The following NCEH1 variants were observed in gnomAD, a reference collection of about 807,000 sequenced individuals.
The protein encoded by NCEH1 is 2-acetyl MAGE hydrolase.
Under a neutral mutation model 25.4 loss-of-function variants are expected in NCEH1, and 9 were observed. The ratio of observed to expected loss-of-function variants is 0.35; its 90% CI spans 0.21 to 0.62. The LOEUF (loss-of-function observed/expected upper bound fraction) is 0.62, where lower values mean the gene tolerates loss of function less well. Ranked by LOEUF, NCEH1 falls within the 20% of genes least tolerant of loss-of-function variation. The pLI is 0.72. For synonymous variants in NCEH1, 200 were observed against 199.8 expected, an observed-to-expected ratio of 1.00 and a Z score of -0.01; for missense variants, 412 against 501.1, an observed-to-expected ratio of 0.82 and a Z score of 1.70.
intron 1 of NCEH1, among the ~76,000 whole-genome samples, chr3:172,668,308 G>A (rs1163860342): frequency 6.9e-6 from 1 of 144,376 alleles, no homozygotes; most frequent in African/African-American, 2.6e-5. Context: ...AACCCTAACT[G>A]GAACACCAAT....
At chr3:172,655,609 C>G (rs1176792015) in intron 1 of NCEH1, among the ~76,000 whole-genome samples, 1 of 152,210 alleles carries the variant, frequency 6.6e-6, no homozygotes, top group Non-Finnish European at 1.5e-5. Context: ...CTAGTAAGAA[C>G]AGAAAGAGAA....
intron 3 of NCEH1, among the ~76,000 whole-genome samples, chr3:172,641,987 TC>T (rs1449030249): frequency 6.6e-6 from 1 of 152,198 alleles, no homozygotes. Context: ...TTATTCAAGG[TC>T]TTTCTCTTCT....
At chr3:172,672,644 A>G (rs1321318084) in intron 1 of NCEH1, among the ~76,000 whole-genome samples, 1 of 152,156 alleles carries the variant, frequency 6.6e-6, no homozygotes, top group African/African-American at 2.4e-5. Flanking sequence ...ACCTTAGAGA[A>G]CCTCCTGAAG....
At chr3:172,663,105 TA>T (rs1193376578) in intron 1 of NCEH1, among the ~76,000 whole-genome samples, 1 of 152,228 alleles carries the variant, frequency 6.6e-6, no homozygotes, top group African/African-American at 2.4e-5. Flanking sequence ...ATTTAGTGCA[TA>T]AATTTACTTC....
chr3:172,688,107 G>A (rs572835988), intron 1 of NCEH1, among the ~76,000 whole-genome samples: 1 of 152,098 alleles, frequency 6.6e-6, no homozygotes, highest in South Asian at 2.1e-4. Flanking sequence ...GGCTGAGGCA[G>A]GTGGATCACC....
intron 4 of NCEH1, among the ~76,000 whole-genome samples, chr3:172,635,193 C>T (rs767947045): frequency 6.6e-6 from 1 of 152,082 alleles, no homozygotes; most frequent in African/African-American, 2.4e-5. Context: ...CTTGCCAATG[C>T]CAAATGGAAA....
intron 1 of NCEH1, among the ~76,000 whole-genome samples, chr3:172,673,439 GCT>G (rs1224028819): frequency 6.6e-6 from 1 of 152,196 alleles, no homozygotes; most frequent in African/African-American, 2.4e-5. Context: ...TGAGCTAAGA[GCT>G]CTTACAAGAG....
Position 172,633,423 on chromosome 3 carries a change from A to G in NCEH1, c.*52T>C. 1 of 1,542,952 alleles carries G rather than the reference A, an allele frequency of 6.5e-7. No individual in the cohort carries two copies. Among genetic ancestry groups the G allele is most frequent in the Non-Finnish European group, 8.8e-7 (1 of 1,140,090 alleles). ...AACTAAAAAGTGCATGTCTTTCCAA[A>G]GCAGGTGTAGGAGGTCAAGAGGGGC... On this transcript the variant is annotated 3_prime_UTR_variant, in exon 5 of 5. Transcript: ENST00000475381.
At chr3:172,703,623 T>C (rs1713824306) in intron 1 of NCEH1, among the ~76,000 whole-genome samples, 1 of 152,036 alleles carries the variant, frequency 6.6e-6, no homozygotes, top group Admixed American at 6.6e-5. Flanking sequence ...AATGATTAAC[T>C]GTACTTTCAC....
At chr3:172,691,925 C>T (rs1272034503) in intron 1 of NCEH1, among the ~76,000 whole-genome samples, 14 of 7,894 alleles carry the variant, frequency 1.8e-3, no homozygotes, top group African/African-American at 0.014. Context: ...CCAGCCTGGG[C>T]GACAGAGCAA....
intron 1 of NCEH1, among the ~76,000 whole-genome samples, chr3:172,660,391 T>C (rs1338251581): frequency 6.6e-6 from 1 of 152,120 alleles, no homozygotes; most frequent in Non-Finnish European, 1.5e-5. Flanking sequence ...GACATTTGGG[T>C]TGGTTCCAAG....
intron 3 of NCEH1, among the ~76,000 whole-genome samples, chr3:172,641,773 C>T (rs193261054): frequency 2.0e-5 from 3 of 152,294 alleles, no homozygotes; most frequent in Admixed American, 1.3e-4. Context: ...CCTCCCAAGC[C>T]CTCTTACTAC....
intron 1 of NCEH1, among the ~76,000 whole-genome samples, chr3:172,689,943 G>A (rs1248988753): frequency 2.1e-5 from 3 of 140,956 alleles, no homozygotes; most frequent in Non-Finnish European, 4.6e-5. Context: ...TCACTCTGTC[G>A]CCCAGGCTGG....
intron 1 of NCEH1, among the ~76,000 whole-genome samples, chr3:172,690,547 TG>T (rs1398070371): frequency 6.6e-6 from 1 of 152,252 alleles, no homozygotes; most frequent in African/African-American, 2.4e-5. Flanking sequence ...TTACAGCCTT[TG>T]ATCTAGTAGT....
intron 1 of NCEH1, among the ~76,000 whole-genome samples, chr3:172,686,849 A>T (rs752047808): frequency 6.6e-6 from 1 of 152,182 alleles, no homozygotes; most frequent in Non-Finnish European, 1.5e-5. Flanking sequence ...AGTTGATTCC[A>T]GAGGCCTTCA....
intron 1 of NCEH1, among the ~76,000 whole-genome samples, chr3:172,678,988 G>A (rs1289011617): frequency 6.6e-6 from 1 of 152,174 alleles, no homozygotes; most frequent in Non-Finnish European, 1.5e-5. Context: ...AAGGAGGCAG[G>A]GTCATTTATA....
chr3:172,639,419 T>G (rs916379168), intron 3 of NCEH1, among the ~76,000 whole-genome samples: 2 of 151,864 alleles, frequency 1.3e-5, no homozygotes, highest in African/African-American at 4.8e-5. Context: ...AAGAAGTATA[T>G]CAAAATTTTG....
intron 3 of NCEH1, among the ~76,000 whole-genome samples, chr3:172,636,542 A>C (rs1009152750): frequency 6.6e-6 from 1 of 152,198 alleles, no homozygotes; most frequent in Non-Finnish European, 1.5e-5. Flanking sequence ...TGAGTCCATC[A>C]TTTACTTCAT....
chr3:172,699,355 G>C (rs1174903332), intron 1 of NCEH1, among the ~76,000 whole-genome samples: 1 of 152,192 alleles, frequency 6.6e-6, no homozygotes, highest in Non-Finnish European at 1.5e-5. Flanking sequence ...CCAAGTGCCA[G>C]CCAAGGAACT....
Sources: gnomAD v4.1 joint callset for allele counts (sites outside exome capture counted in the v4.1 genomes callset) on GRCh38, gnomAD v4.1.1 for gene constraint, MANE v1.5 for transcripts, NCBI Gene and HGNC (gene_info 2026-07-23, HGNC 2026-07-21) for gene names.